PLEKHG1: variants seen among roughly 807,000 people sequenced by gnomAD.
The protein encoded by PLEKHG1 is pleckstrin homology and RhoGEF domain containing G1, also known as pleckstrin homology domain-containing family G member 1.
PLEKHG1 carries 44 observed loss-of-function variants against 100.8 expected under a neutral mutation model. The ratio of observed to expected loss-of-function variants is 0.44; its 90% CI spans 0.34 to 0.56. The LOEUF (loss-of-function observed/expected upper bound fraction) is 0.56, where lower values mean the gene tolerates loss of function less well. PLEKHG1 is among the 20% of genes least tolerant of loss of function. PLEKHG1 has a pLI of 0.01. For synonymous variants in PLEKHG1, 640 were observed against 662.5 expected (o/e 0.97, Z 0.52); for missense variants, 1,545 against 1,720.9 (o/e 0.90, Z 1.81).
chr6:150,804,178 T>G (rs1158843585), intron 6 of PLEKHG1, among the ~76,000 whole-genome samples: 1 of 50,088 alleles, frequency 2.0e-5, no homozygotes, highest in Non-Finnish European at 3.6e-5. Flanking sequence ...TATATATATT[T>G]TTTTTTTTTT....
chr6:150,775,636 A>T (rs1784922761), intron 3 of PLEKHG1, among the ~76,000 whole-genome samples: 1 of 152,212 alleles, frequency 6.6e-6, no homozygotes, highest in Non-Finnish European at 1.5e-5. Context: ...ATTTTGTCTG[A>T]GGGGGACTTT....
At chr6:150,636,748 A>C (rs1362194140) in intron 1 of PLEKHG1, among the ~76,000 whole-genome samples, 1 of 152,166 alleles carries the variant, frequency 6.6e-6, no homozygotes, top group African/African-American at 2.4e-5. Flanking sequence ...ATAAGAGTTG[A>C]CCCATTGTGC....
At chr6:150,754,070 C>A (rs1044427241) in intron 2 of PLEKHG1, among the ~76,000 whole-genome samples, 5 of 152,188 alleles carry the variant, frequency 3.3e-5, no homozygotes, top group Non-Finnish European at 7.3e-5. Flanking sequence ...TATAGCACTA[C>A]ATGATGATGA....
At chr6:150,637,580 G>C (rs1437697155) in intron 1 of PLEKHG1, among the ~76,000 whole-genome samples, 1 of 151,862 alleles carries the variant, frequency 6.6e-6, no homozygotes, top group East Asian at 1.9e-4. Flanking sequence ...CAAAATTATT[G>C]TTTCTGAACT....
At chr6:150,761,037 A>G (rs1477804139) in intron 2 of PLEKHG1, among the ~76,000 whole-genome samples, 2 of 151,336 alleles carry the variant, frequency 1.3e-5, no homozygotes, top group African/African-American at 2.4e-5. Flanking sequence ...ACACATCCAC[A>G]TGAAGTCAAT....
intron 1 of PLEKHG1, among the ~76,000 whole-genome samples, chr6:150,611,899 G>T (rs1776847498): frequency 6.6e-6 from 1 of 151,994 alleles, no homozygotes. Flanking sequence ...AGGCTCTATT[G>T]TGTTTCAAAA....
intron 3 of PLEKHG1, among the ~76,000 whole-genome samples, chr6:150,706,934 G>A (rs931815541): frequency 6.8e-6 from 1 of 146,904 alleles, no homozygotes; most frequent in Non-Finnish European, 1.5e-5. Flanking sequence ...TTTCCATGAT[G>A]GGAAGATTGG....
chr6:150,817,833 AT>A (rs1776066617), intron 10 of PLEKHG1, among the ~76,000 whole-genome samples: 1 of 151,910 alleles, frequency 6.6e-6, no homozygotes, highest in Non-Finnish European at 1.5e-5. Context: ...AAGTGCTGGG[AT>A]TACAGGCGTG....
At chr6:150,627,256 TC>T (rs1471625492) in intron 1 of PLEKHG1, among the ~76,000 whole-genome samples, 1 of 152,240 alleles carries the variant, frequency 6.6e-6, no homozygotes, top group Non-Finnish European at 1.5e-5. Context: ...TAATCATTTC[TC>T]TTCCTAAGCT....
intron 5 of PLEKHG1, among the ~76,000 whole-genome samples, chr6:150,800,204 G>A (rs1264727935): frequency 6.6e-6 from 1 of 152,076 alleles, no homozygotes; most frequent in Non-Finnish European, 1.5e-5. Flanking sequence ...ACCACATAGG[G>A]TCACAGTTTG....
Position 150,831,751 on chromosome 6 carries a change from G to A in PLEKHG1, c.2640G>A (p.Leu880=). Residue 880 remains leucine (L), a synonymous_variant, in exon 15 of 16, where the codon CTG becomes CTA. Coordinates refer to ENST00000358517, the Ensembl canonical transcript of PLEKHG1. The surrounding 1 kb of genome is among the most constrained non-coding windows in gnomAD (Gnocchi z 4.1). ...TGCACGCAGAGAGCACCCCTGAGCT[G>A]AGCCGGGACGTGGGGCGCTCTGTGT... is the stretch of plus-strand genomic sequence containing the variant. The A allele has an allele frequency of 6.2e-7, 1 of 1,613,696 alleles. No homozygotes were observed. The highest frequency in any genetic ancestry group is 8.5e-7 in the Non-Finnish European group (1 of 1,180,022).
chr6:150,703,401 G>C (rs1376611367), intron 3 of PLEKHG1, among the ~76,000 whole-genome samples: 1 of 152,120 alleles, frequency 6.6e-6, no homozygotes, highest in Admixed American at 6.6e-5. Flanking sequence ...AGGAGTTAAA[G>C]ACCAGCCTGG....
intron 3 of PLEKHG1, among the ~76,000 whole-genome samples, chr6:150,679,628 C>T (rs1779868259): frequency 2.0e-5 from 3 of 152,198 alleles, no homozygotes; most frequent in African/African-American, 4.8e-5. Flanking sequence ...TATAGTTGTT[C>T]ATTCAGTCAT....
chr6:150,636,713 CTGTT>C (rs1296269592), intron 1 of PLEKHG1, among the ~76,000 whole-genome samples: 70 of 152,156 alleles, frequency 4.6e-4, no homozygotes, highest in African/African-American at 1.3e-3. Flanking sequence ...GAAATATTCT[CTGTT>C]AGAAGTTAGA....
At position 150,831,515 on chromosome 6, in the gene PLEKHG1, G is replaced by A; in HGVS notation, c.2404G>A (p.Ala802Thr). 6.2e-7 allele frequency: 1 copy of A among 1,614,072 alleles called. No individual in the cohort carries two copies. The highest frequency in any genetic ancestry group is 8.5e-7 in the Non-Finnish European group (1 of 1,179,982). Residue 802 changes from alanine to threonine, a missense_variant, in exon 15 of 16, where the codon GCC (alanine) becomes ACC (threonine). Coordinates refer to ENST00000358517, the Ensembl canonical transcript of PLEKHG1. The surrounding 1 kb of genome is among the most constrained non-coding windows in gnomAD (Gnocchi z 4.1). The stretch of plus-strand genomic sequence containing the variant: ...TGAGGACGAAGCCCCTTACCATCAG[G>A]CCACTCCCGATCATGGTTATCTGAG...
At chr6:150,700,475 C>T (rs76521256) in intron 3 of PLEKHG1, among the ~76,000 whole-genome samples, 6,552 of 152,190 alleles carry the variant, frequency 0.043, 458 homozygotes, top group African/African-American at 0.15. Context: ...GGTGTGAGAA[C>T]CCCAGGGCTA....
intron 4 of PLEKHG1, among the ~76,000 whole-genome samples, chr6:150,791,722 A>G (rs2128656403): frequency 6.6e-6 from 1 of 151,926 alleles, no homozygotes; most frequent in Non-Finnish European, 1.5e-5. Flanking sequence ...ATTTCTTTGT[A>G]GAATTGACTT....
At chr6:150,837,169 CAT>C (rs953918977) in intron 15 of PLEKHG1, among the ~76,000 whole-genome samples, 3 of 152,066 alleles carry the variant, frequency 2.0e-5, no homozygotes, top group African/African-American at 4.8e-5. Flanking sequence ...CTCAAAAAAA[CAT>C]AAAATGAAAA....
At chr6:150,606,923 G>T (rs1776625293) in intron 1 of PLEKHG1, among the ~76,000 whole-genome samples, 1 of 152,046 alleles carries the variant, frequency 6.6e-6, no homozygotes, top group Non-Finnish European at 1.5e-5. Flanking sequence ...AGGGAAGCCA[G>T]AGCAAAGCCC....
Sources: allele counts gnomAD v4.1 joint callset (sites outside exome capture counted in the v4.1 genomes callset), GRCh38; gene constraint gnomAD v4.1.1; non-coding constraint Gnocchi (gnomAD v3.1); transcripts MANE v1.5; gene names NCBI Gene and HGNC (gene_info 2026-07-23, HGNC 2026-07-21).